Variants in PRKG1 observed in about 807,000 individuals in gnomAD.
PRKG1 encodes protein kinase cGMP-dependent 1, also known as cGMP-dependent protein kinase 1.
Under a neutral mutation model 88.1 loss-of-function variants are expected in PRKG1, and 35 were observed. The observed-to-expected ratio is 0.40, with a 90% CI of 0.30 to 0.53. PRKG1 has a LOEUF of 0.53. PRKG1 is among the 20% of genes least tolerant of loss of function. PRKG1 has a pLI of 0.59. For missense variants in PRKG1, 540 were observed against 839.8 expected, an observed-to-expected ratio of 0.64 and a Z score of 4.41; for synonymous variants, 303 against 292.5, an observed-to-expected ratio of 1.04 and a Z score of -0.37.
chr10:51,584,083 T>C lies in PRKG1; in HGVS notation c.592+116247T>C, dbSNP rs1041270406. Among the ~76,000 whole-genome samples the C allele has an allele frequency of 1.1e-4, 17 of 152,248 alleles. 1 individual carries two copies. Among genetic ancestry groups the C allele is most frequent in the Admixed American group, 9.8e-4 (15 of 15,268 alleles). On this transcript the variant is annotated intron_variant, in intron 3 of 17. Coordinates refer to ENST00000373980, the MANE Select transcript of PRKG1 (RefSeq NM_006258.4). ...CTTATTTTTCCACTCAGAAGTAACATTTCCCAGGTATTTTTGGAGAATTAA... is the reference window on the plus strand; with the variant it reads ...CTTATTTTTCCACTCAGAAGTAACACTTCCCAGGTATTTTTGGAGAATTAA...
At chr10:52,096,229 T>C (rs1847169723) in intron 7 of PRKG1, among the ~76,000 whole-genome samples, 2 of 152,228 alleles carry the variant, frequency 1.3e-5, no homozygotes, top group African/African-American at 4.8e-5. Flanking sequence ...TGTGTTTTTG[T>C]AATCAACCTA....
intron 2 of PRKG1, among the ~76,000 whole-genome samples, chr10:51,263,702 G>A (rs965949697): frequency 2.0e-5 from 3 of 152,192 alleles, no homozygotes; most frequent in African/African-American, 7.2e-5. Flanking sequence ...CATTAGTATA[G>A]TCCATTGATA....
intron 2 of PRKG1, among the ~76,000 whole-genome samples, chr10:51,210,669 A>C (rs1838190513): frequency 2.0e-5 from 3 of 152,226 alleles, no homozygotes; most frequent in Non-Finnish European, 2.9e-5. Context: ...AACTACCATC[A>C]GAGAATACTG....
intron 1 of PRKG1, among the ~76,000 whole-genome samples, chr10:50,996,430 T>C (rs1842838029): frequency 6.6e-6 from 1 of 152,234 alleles, no homozygotes; most frequent in African/African-American, 2.4e-5. Flanking sequence ...GAAATGAACC[T>C]TCCCTAAATT....
intron 10 of PRKG1, 124 bp downstream of exon 10, chr10:52,251,790 A>C (rs1381113350): frequency 1.2e-6 from 1 of 820,286 alleles, no homozygotes; most frequent in African/African-American, 1.7e-5. Flanking sequence ...TGATTCCTAA[A>C]TCAGTTCCAA....
chr10:51,768,468 G>C (rs1033566946), intron 3 of PRKG1, among the ~76,000 whole-genome samples: 1 of 152,066 alleles, frequency 6.6e-6, no homozygotes, highest in Non-Finnish European at 1.5e-5. Context: ...AAAACATATG[G>C]AATGGCAAAA....
chr10:51,902,091 A>G (rs1371436652), intron 4 of PRKG1, among the ~76,000 whole-genome samples: 2 of 152,016 alleles, frequency 1.3e-5, no homozygotes, highest in Admixed American at 1.3e-4. Flanking sequence ...TTAAGAAAAT[A>G]TAATATAAAC....
intron 2 of PRKG1, among the ~76,000 whole-genome samples, chr10:51,239,603 C>G (rs574374174): frequency 6.6e-6 from 1 of 152,198 alleles, no homozygotes; most frequent in South Asian, 2.1e-4. Flanking sequence ...CGGCGCACCC[C>G]CCTCAACACT....
chr10:51,143,781 T>A (rs1309349381), intron 1 of PRKG1, among the ~76,000 whole-genome samples: 1 of 152,070 alleles, frequency 6.6e-6, no homozygotes, highest in South Asian at 2.1e-4. Context: ...TTGAGAAGTG[T>A]TTATTAAATT....
chr10:51,215,850 G>A (rs760116272), intron 2 of PRKG1, among the ~76,000 whole-genome samples: 35 of 152,190 alleles, frequency 2.3e-4, no homozygotes, highest in Admixed American at 5.9e-4. Context: ...ATAGGTGTAT[G>A]TAGAAAACCT....
At position 51,926,862 on chromosome 10, in the gene PRKG1, T is replaced by G. The variant is rs953109213; in HGVS notation, c.762+19292T>G. 5.6e-5 allele frequency among the ~76,000 whole-genome samples: 5 copies of G among 90,036 alleles called. No individual in the cohort carries two copies. In the South Asian group the frequency reaches 1.2e-3, roughly 21 times the overall value. The allele number at this position is 90,036 out of a possible 152,430, so 59.1% of individuals were successfully genotyped here. On this transcript the variant is annotated intron_variant, in intron 5 of 17. Transcript: ENST00000373980. Reference sequence around the variant, plus strand: ...TCAGCAATTCTGCCATACCTTTTAGTGTTAAGACGATATGTAGTTCTACCT... The same window carrying G: ...TCAGCAATTCTGCCATACCTTTTAGGGTTAAGACGATATGTAGTTCTACCT...
At chr10:51,266,828 A>G (rs544624363) in intron 2 of PRKG1, among the ~76,000 whole-genome samples, 1 of 152,306 alleles carries the variant, frequency 6.6e-6, no homozygotes, top group South Asian at 2.1e-4. Flanking sequence ...TTTAAGACGT[A>G]TTTCTGAGGG....
At chr10:51,960,000 T>C (rs764332443) in intron 5 of PRKG1, among the ~76,000 whole-genome samples, 1 of 152,162 alleles carries the variant, frequency 6.6e-6, no homozygotes, top group Non-Finnish European at 1.5e-5. Flanking sequence ...ATGTGTGATT[T>C]TATATATTCT....
chr10:51,702,791 AG>A (rs1333230991), intron 3 of PRKG1, among the ~76,000 whole-genome samples: 3 of 151,914 alleles, frequency 2.0e-5, no homozygotes, highest in African/African-American at 7.3e-5. Flanking sequence ...CTGCCTCCTG[AG>A]CTCAAGCAAT....
At chr10:51,365,283 T>C (rs371820481) in intron 2 of PRKG1, among the ~76,000 whole-genome samples, 1 of 151,946 alleles carries the variant, frequency 6.6e-6, no homozygotes, top group Non-Finnish European at 1.5e-5. Context: ...GATCCTATTC[T>C]GTCTGATTCA....
chr10:52,052,991 C>T (rs554173837), intron 5 of PRKG1, among the ~76,000 whole-genome samples: 4 of 152,210 alleles, frequency 2.6e-5, no homozygotes, highest in African/African-American at 9.6e-5. Flanking sequence ...TTCAAATCTG[C>T]ATGTTGTAAA....
At chr10:51,425,846 T>A (rs1379660385) in intron 2 of PRKG1, among the ~76,000 whole-genome samples, 1 of 152,228 alleles carries the variant, frequency 6.6e-6, no homozygotes, top group African/African-American at 2.4e-5. Flanking sequence ...CATACATATG[T>A]CAGCAGAAAA....
chr10:51,995,143 CA>C (rs373957510), intron 5 of PRKG1, among the ~76,000 whole-genome samples: 153 of 152,030 alleles, frequency 1.0e-3, no homozygotes, highest in Middle Eastern at 3.4e-3. Flanking sequence ...CTTTTGGCAC[CA>C]ATTTGATACT....
chr10:51,371,714 T>A (rs1164834740), intron 2 of PRKG1, among the ~76,000 whole-genome samples: 2 of 152,166 alleles, frequency 1.3e-5, no homozygotes, highest in Non-Finnish European at 2.9e-5. Context: ...CACCTGCACA[T>A]CTTAGTTCTA....
Sources: gnomAD v4.1 joint callset for allele counts (sites outside exome capture counted in the v4.1 genomes callset) on GRCh38, gnomAD v4.1.1 for gene constraint, MANE v1.5 for transcripts, NCBI Gene and HGNC (gene_info 2026-07-23, HGNC 2026-07-21) for gene names.